SYNPR: variants seen among roughly 807,000 people sequenced by gnomAD.
SYNPR encodes synaptoporin.
A neutral mutation model predicts 32.9 loss-of-function variants in SYNPR; 23 were observed. That is an observed-to-expected ratio of 0.70 (90% CI 0.50 to 0.99). The LOEUF (loss-of-function observed/expected upper bound fraction) is 0.99. Among genes scored for constraint, SYNPR ranks in the 50% least tolerant of loss-of-function variants. The pLI is 0.00. For missense variants in SYNPR, 318 were observed against 349.3 expected (o/e 0.91, Z 0.71); for synonymous variants, 146 against 135.9 (o/e 1.07, Z -0.52).
chr3:63,334,864 A>T (rs2087268597), intron 2 of SYNPR, among the ~76,000 whole-genome samples: 1 of 151,874 alleles, frequency 6.6e-6, no homozygotes, highest in South Asian at 2.1e-4. Flanking sequence ...CTTTGCACCA[A>T]CCTAATAGTT....
intron 3 of SYNPR, among the ~76,000 whole-genome samples, chr3:63,490,754 T>C (rs1445034190): frequency 6.6e-6 from 1 of 152,098 alleles, no homozygotes; most frequent in East Asian, 1.9e-4. Context: ...CTAGGTTTTT[T>C]GTTTTTTGGG....
intron 2 of SYNPR, among the ~76,000 whole-genome samples, chr3:63,408,360 G>GAAAGAAAGAAAGAAAA (rs2088416096): frequency 1.3e-5 from 2 of 149,978 alleles, no homozygotes; most frequent in Admixed American, 1.4e-4. Context: ...AAGAAAGAAA[G>GAAAGAAAGAAAGAAAA]AAAGAAAGAA....
chr3:63,270,860 TTTCC>T (rs3082060), intron 3 of SYNPR, among the ~76,000 whole-genome samples: 16,844 of 83,988 alleles, frequency 0.2, 1,344 homozygotes, highest in Non-Finnish European at 0.3. Context: ...CTCTCCCTTC[TTTCC>T]TTCCTTCCTT....
At chr3:63,402,530 C>T (rs1227714036) in intron 2 of SYNPR, among the ~76,000 whole-genome samples, 2 of 152,156 alleles carry the variant, frequency 1.3e-5, no homozygotes, top group African/African-American at 2.4e-5. Flanking sequence ...TCGGGATTGA[C>T]CCCTCTGTAT....
At chr3:63,358,540 T>C (rs2087614328) in intron 2 of SYNPR, among the ~76,000 whole-genome samples, 1 of 152,116 alleles carries the variant, frequency 6.6e-6, no homozygotes. Flanking sequence ...AGTTTTGCCA[T>C]GTAAGGTAAC....
intron 2 of SYNPR, among the ~76,000 whole-genome samples, chr3:63,405,456 A>G (rs955178326): frequency 1.3e-5 from 2 of 152,104 alleles, no homozygotes; most frequent in Non-Finnish European, 2.9e-5. Context: ...AAGGAAGTGT[A>G]AATTGCTGTG....
intron 2 of SYNPR, chr3:63,427,332 C>A (rs556483146): frequency 1.3e-5 from 2 of 151,894 alleles, no homozygotes; most frequent in African/African-American, 4.8e-5. Flanking sequence ...TTGGTTACAG[C>A]TCAAAGGACA....
intron 3 of SYNPR, among the ~76,000 whole-genome samples, chr3:63,539,370 A>G (rs1196646867): frequency 6.6e-6 from 1 of 152,122 alleles, no homozygotes; most frequent in Non-Finnish European, 1.5e-5. Context: ...GCTTTTATGC[A>G]TGTGTGTCCC....
intron 1 of SYNPR, among the ~76,000 whole-genome samples, chr3:63,241,131 T>G (rs2086238936): frequency 6.6e-6 from 1 of 152,108 alleles, no homozygotes; most frequent in South Asian, 2.1e-4. Context: ...CAGAAACAAT[T>G]GCAGTCTCCC....
chr3:63,384,710 T>G (rs2088018774), intron 2 of SYNPR, among the ~76,000 whole-genome samples: 1 of 152,210 alleles, frequency 6.6e-6, no homozygotes, highest in Non-Finnish European at 1.5e-5. Flanking sequence ...GAGCTCGTAC[T>G]ATGTGTGTGG....
the SYNPR span, among the ~76,000 whole-genome samples, chr3:63,218,249 G>A: frequency 6.6e-6 from 1 of 152,202 alleles, no homozygotes; most frequent in South Asian, 2.1e-4. Context: ...TATATTAGTT[G>A]ATAACCCTGT....
chr3:63,295,834 A>C (rs188737213), intron 2 of SYNPR, among the ~76,000 whole-genome samples: 5 of 152,334 alleles, frequency 3.3e-5, no homozygotes, highest in African/African-American at 1.2e-4. Context: ...CTCCATCAGT[A>C]ATTTCCCTGC....
intron 2 of SYNPR, among the ~76,000 whole-genome samples, chr3:63,356,352 C>CTTT (rs2087577355): frequency 6.6e-6 from 1 of 152,182 alleles, no homozygotes; most frequent in South Asian, 2.1e-4. Context: ...TTCCTTGGGC[C>CTTT]TTTATTCAAG....
intron 2 of SYNPR, among the ~76,000 whole-genome samples, chr3:63,439,475 A>G (rs1399390724): frequency 2.0e-5 from 3 of 152,236 alleles, no homozygotes; most frequent in Non-Finnish European, 2.9e-5. Context: ...GCTATCTGAT[A>G]AATTGGAAGG....
At chr3:63,499,239 C>A (rs1160156663) in intron 3 of SYNPR, among the ~76,000 whole-genome samples, 4 of 151,926 alleles carry the variant, frequency 2.6e-5, no homozygotes, top group Admixed American at 1.3e-4. Context: ...GAAGGTTAGG[C>A]AAAGAAGGAA....
At chr3:63,210,192 T>A in the SYNPR span, among the ~76,000 whole-genome samples, 3 of 152,330 alleles carry the variant, frequency 2.0e-5, no homozygotes, top group Non-Finnish European at 4.4e-5. Context: ...AATTCTTTAC[T>A]TATATATCTT....
At chr3:63,305,535 T>G (rs2086900966) in intron 2 of SYNPR, among the ~76,000 whole-genome samples, 1 of 152,032 alleles carries the variant, frequency 6.6e-6, no homozygotes, top group African/African-American at 2.4e-5. Flanking sequence ...CTTACAAAAA[T>G]TTTATGTTTT....
intron 1 of SYNPR, among the ~76,000 whole-genome samples, chr3:63,234,187 GCAGA>G (rs1303809656): frequency 1.3e-5 from 2 of 152,130 alleles, no homozygotes; most frequent in African/African-American, 4.8e-5. Context: ...ATGGATGGCA[GCAGA>G]CAAAGAGAGA....
At chr3:63,341,837 T>C (rs1234966515) in intron 2 of SYNPR, among the ~76,000 whole-genome samples, 1 of 152,182 alleles carries the variant, frequency 6.6e-6, no homozygotes, top group African/African-American at 2.4e-5. Flanking sequence ...GCAGATGTTT[T>C]TTAATGTTAA....
Sources: gnomAD v4.1 joint callset for allele counts (sites outside exome capture counted in the v4.1 genomes callset) on GRCh38, gnomAD v4.1.1 for gene constraint, MANE v1.5 for transcripts, NCBI Gene and HGNC (gene_info 2026-07-23, HGNC 2026-07-21) for gene names.